FAT3: variants seen among roughly 807,000 people sequenced by gnomAD.
FAT3 encodes FAT atypical cadherin 3.
Under a neutral mutation model 310.2 loss-of-function variants are expected in FAT3, and 95 were observed. That is an observed-to-expected ratio of 0.31 (90% CI 0.26 to 0.36). The LOEUF is 0.36. FAT3 is among the 10% of genes least tolerant of loss of function. The probability of loss-of-function intolerance (pLI) is 1.00; values close to 1 mark genes in which losing one functional copy is unlikely to be tolerated. For missense variants in FAT3, 5,408 were observed against 5,715.6 expected (o/e 0.95, Z 1.74); for synonymous variants, 2,314 against 2,192.9 (o/e 1.06, Z -1.54).
At position 92,287,604 on chromosome 11, in the gene FAT3, C is replaced by G. The variant is rs149275069; in HGVS notation, c.-18+62430C>G. ...GCAGCAATAATTAGAAAATCCCAAG[C>G]CTTTCAAATCTATTTCATGTTTCTC... On this transcript the variant is annotated intron_variant, in intron 1 of 27. Coordinates refer to ENST00000525166, the MANE Select transcript of FAT3 (RefSeq NM_001367949.2). Among the ~76,000 whole-genome samples the G allele has an allele frequency of 1.8e-3, 271 of 152,246 alleles. 1 individual carries two copies. Among genetic ancestry groups the G allele is most frequent in the Non-Finnish European group, 3.1e-3 (213 of 68,016 alleles).
chr11:92,400,239 C>T (rs1314282049), intron 2 of FAT3: 1 of 152,160 alleles, frequency 6.6e-6, no homozygotes, highest in Non-Finnish European at 1.5e-5. Context: ...GATATATTAA[C>T]TTAGTGAGGT....
chr11:92,416,465 TTAGTGTATTTTATACATTGTTCTC>T (rs1410678870), intron 2 of FAT3, among the ~76,000 whole-genome samples: 4 of 152,112 alleles, frequency 2.6e-5, no homozygotes, highest in Admixed American at 2.0e-4. Flanking sequence ...GACACTCAAG[TTAGTGTATTTTATACATTGTTCTC>T]TAATTGGGAA....
intron 1 of FAT3, among the ~76,000 whole-genome samples, chr11:92,342,344 C>G (rs1019247535): frequency 6.6e-6 from 1 of 152,166 alleles, no homozygotes; most frequent in Non-Finnish European, 1.5e-5. Context: ...GTTACCATCT[C>G]TTTCTCAACA....
At chr11:92,663,316 A>G (rs1291946858) in intron 3 of FAT3, among the ~76,000 whole-genome samples, 1 of 152,182 alleles carries the variant, frequency 6.6e-6, no homozygotes, top group Non-Finnish European at 1.5e-5. Flanking sequence ...GAAGAGATTG[A>G]GACTAGGTCA....
At chr11:92,527,817 G>GTAGA (rs1009369579) in intron 3 of FAT3, among the ~76,000 whole-genome samples, 6 of 152,278 alleles carry the variant, frequency 3.9e-5, no homozygotes, top group South Asian at 2.1e-4. Flanking sequence ...TAACCAGTGT[G>GTAGA]TAGATAGATA....
intron 2 of FAT3, among the ~76,000 whole-genome samples, chr11:92,447,157 GTGTA>G (rs371944960): frequency 1.1e-3 from 172 of 152,114 alleles, no homozygotes; most frequent in African/African-American, 3.8e-3. Context: ...TGCCATATGT[GTGTA>G]TGTATGTGTA....
At chr11:92,828,753 C>A (rs191415583) in intron 13 of FAT3, among the ~76,000 whole-genome samples, 1 of 152,154 alleles carries the variant, frequency 6.6e-6, no homozygotes, top group African/African-American at 2.4e-5. Context: ...CCTGTAAACG[C>A]AGCACTCCAA....
intron 3 of FAT3, among the ~76,000 whole-genome samples, chr11:92,526,793 A>T (rs905622366): frequency 6.6e-6 from 1 of 152,192 alleles, no homozygotes; most frequent in Non-Finnish European, 1.5e-5. Flanking sequence ...ATAGATTTTT[A>T]AAAAGCATTT....
intron 2 of FAT3, among the ~76,000 whole-genome samples, chr11:92,362,621 A>G (rs1009984419): frequency 6.6e-6 from 1 of 151,952 alleles, no homozygotes; most frequent in Non-Finnish European, 1.5e-5. Context: ...TTACGACACT[A>G]TTTTTGTTTT....
intron 8 of FAT3, 72 bp from the exon 9 acceptor site, chr11:92,792,695 C>A: frequency 1.4e-6 from 2 of 1,468,886 alleles, no homozygotes; most frequent in South Asian, 1.2e-5. Context: ...TTGTTTTCAC[C>A]CCAAACATAG....
chr11:92,405,983 T>C (rs373135455), intron 2 of FAT3, among the ~76,000 whole-genome samples: 9 of 152,208 alleles, frequency 5.9e-5, no homozygotes, highest in African/African-American at 2.2e-4. Context: ...ACTGTGAACA[T>C]TTTGAAACTG....
chr11:92,617,850 A>C (rs1940885926), intron 3 of FAT3, among the ~76,000 whole-genome samples: 1 of 152,122 alleles, frequency 6.6e-6, no homozygotes. Context: ...TGGATGCTTC[A>C]TCTCAGAGGG....
At chr11:92,630,875 G>A (rs1424104987) in intron 3 of FAT3, among the ~76,000 whole-genome samples, 1 of 152,178 alleles carries the variant, frequency 6.6e-6, no homozygotes, top group Non-Finnish European at 1.5e-5. Context: ...TCAGCTAGTA[G>A]CAGCATTCAT....
chr11:92,470,865 A>G (rs935524788), intron 2 of FAT3, among the ~76,000 whole-genome samples: 5 of 152,240 alleles, frequency 3.3e-5, no homozygotes, highest in African/African-American at 9.6e-5. Context: ...CTTTAAAAAA[A>G]TTATTTCATA....
intron 2 of FAT3, among the ~76,000 whole-genome samples, chr11:92,431,293 G>T (rs1022844980): frequency 3.3e-5 from 5 of 152,114 alleles, no homozygotes; most frequent in African/African-American, 1.2e-4. Context: ...GTGTCTTTTG[G>T]CTGCATAAAT....
At chr11:92,556,523 C>T (rs1955024383) in intron 3 of FAT3, among the ~76,000 whole-genome samples, 1 of 152,178 alleles carries the variant, frequency 6.6e-6, no homozygotes, top group Admixed American at 6.5e-5. Context: ...TTACATGCCT[C>T]CCTACCCATT....
intron 3 of FAT3, among the ~76,000 whole-genome samples, chr11:92,692,041 A>G (rs1943811158): frequency 6.6e-6 from 1 of 152,138 alleles, no homozygotes; most frequent in South Asian, 2.1e-4. Flanking sequence ...AGAAATCAGG[A>G]TGGGAGAGAA....
intron 2 of FAT3, among the ~76,000 whole-genome samples, chr11:92,410,530 T>G (rs1357188349): frequency 1.3e-5 from 2 of 152,126 alleles, no homozygotes; most frequent in African/African-American, 2.4e-5. Context: ...CTTTGTTGAG[T>G]CAACTTGAAG....
intron 19 of FAT3, among the ~76,000 whole-genome samples, chr11:92,853,012 G>C (rs961119747): frequency 6.6e-6 from 1 of 152,166 alleles, no homozygotes; most frequent in Non-Finnish European, 1.5e-5. Context: ...GACACCTTTT[G>C]CCTGAGTATT....
Sources: allele counts gnomAD v4.1 joint callset (sites outside exome capture counted in the v4.1 genomes callset), GRCh38; gene constraint gnomAD v4.1.1; transcripts MANE v1.5; gene names NCBI Gene and HGNC (gene_info 2026-07-23, HGNC 2026-07-21).